SNX29: variants seen among roughly 807,000 people sequenced by gnomAD.
SNX29 encodes the protein sorting nexin 29, also known as sorting nexin-29.
SNX29 carries 78 observed loss-of-function variants against 102.1 expected under a neutral mutation model. The ratio of observed to expected loss-of-function variants is 0.76; its 90% CI spans 0.64 to 0.92. The LOEUF (loss-of-function observed/expected upper bound fraction) is 0.92. SNX29 is among the 40% of genes least tolerant of loss of function. The probability of loss-of-function intolerance (pLI) is 0.00; values close to 1 mark genes in which losing one functional copy is unlikely to be tolerated. For synonymous variants in SNX29, 580 were observed against 414.5 expected (o/e 1.40, Z -4.85); for missense variants, 1,280 against 1,061.7 (o/e 1.21, Z -2.86).
At chr16:12,109,019 T>G (rs930055722) in intron 11 of SNX29, among the ~76,000 whole-genome samples, 1 of 149,234 alleles carries the variant, frequency 6.7e-6, no homozygotes, top group South Asian at 2.1e-4. Context: ...CCCCAGCTAC[T>G]TGGGAGGCTA....
chr16:12,119,007 G>T (rs1400568731), intron 11 of SNX29, among the ~76,000 whole-genome samples: 1 of 152,218 alleles, frequency 6.6e-6, no homozygotes, highest in Non-Finnish European at 1.5e-5. Flanking sequence ...GCTGCTTGGT[G>T]CTCAGAACTC....
chr16:12,551,753 G>A (rs73510227), intron 20 of SNX29, among the ~76,000 whole-genome samples: 1 of 152,206 alleles, frequency 6.6e-6, no homozygotes, highest in Non-Finnish European at 1.5e-5. Context: ...CTTCCTGGCT[G>A]CCTTGTACAC....
At chr16:12,462,018 C>T (rs1445958435) in intron 18 of SNX29, among the ~76,000 whole-genome samples, 859 of 58,632 alleles carry the variant, frequency 0.015, 4 homozygotes, top group South Asian at 0.019. Flanking sequence ...TATATGTATA[C>T]ACACACACAC....
intron 15 of SNX29, among the ~76,000 whole-genome samples, chr16:12,304,189 T>C (rs1484274220): frequency 6.6e-6 from 1 of 152,116 alleles, no homozygotes; most frequent in Non-Finnish European, 1.5e-5. Flanking sequence ...TTGTTTTTTT[T>C]TTTTGCCTTG....
intron 15 of SNX29, among the ~76,000 whole-genome samples, chr16:12,322,190 A>G (rs1401954197): frequency 2.0e-5 from 3 of 152,202 alleles, no homozygotes; most frequent in African/African-American, 2.4e-5. Context: ...GGTAGAACCC[A>G]TAAGGCCAGT....
At chr16:12,283,901 T>C (rs1382477032) in intron 15 of SNX29, among the ~76,000 whole-genome samples, 1 of 152,210 alleles carries the variant, frequency 6.6e-6, no homozygotes, top group Non-Finnish European at 1.5e-5. Flanking sequence ...CCCCACTTCT[T>C]AGGGACTGTT....
chr16:12,308,095 C>G (rs1486431160), intron 15 of SNX29, among the ~76,000 whole-genome samples: 1 of 152,234 alleles, frequency 6.6e-6, no homozygotes, highest in Non-Finnish European at 1.5e-5. Flanking sequence ...TAACAGTAGC[C>G]TACAGCCTGC....
chr16:12,226,195 A>T (rs2077606898), intron 14 of SNX29, among the ~76,000 whole-genome samples: 1 of 152,208 alleles, frequency 6.6e-6, no homozygotes, highest in South Asian at 2.1e-4. Context: ...ATAGGCAGCC[A>T]CTAGAAAGGT....
intron 13 of SNX29, among the ~76,000 whole-genome samples, chr16:12,153,741 GT>G (rs775225528): frequency 4.6e-4 from 70 of 151,932 alleles, no homozygotes; most frequent in African/African-American, 1.3e-3. Flanking sequence ...GCCTCCCAAA[GT>G]GCTGGGATTA....
At chr16:12,440,593 C>A (rs902430670) in intron 18 of SNX29, among the ~76,000 whole-genome samples, 4 of 152,172 alleles carry the variant, frequency 2.6e-5, no homozygotes, top group Non-Finnish European at 4.4e-5. Flanking sequence ...CTCCCTCCTC[C>A]CACCCTCCAC....
At chr16:11,999,269 G>A (rs750879998) in intron 1 of SNX29, 28 bp from the exon 2 acceptor site, 7 of 1,612,642 alleles carry the variant, frequency 4.3e-6, no homozygotes, top group South Asian at 2.2e-5. Context: ...GCGTCAGAGA[G>A]AACTAATTAA....
intron 20 of SNX29, among the ~76,000 whole-genome samples, chr16:12,554,789 T>G (rs2078222002): frequency 6.6e-6 from 1 of 152,184 alleles, no homozygotes; most frequent in South Asian, 2.1e-4. Context: ...AGAATGCAAT[T>G]GTTTATTCTA....
chr16:12,278,518 CT>C (rs1226537902), intron 15 of SNX29, among the ~76,000 whole-genome samples: 4 of 152,168 alleles, frequency 2.6e-5, no homozygotes, highest in Admixed American at 6.5e-5. Flanking sequence ...GTACAAATTA[CT>C]GAAGAACTGC....
intron 20 of SNX29, among the ~76,000 whole-genome samples, chr16:12,542,586 C>T (rs531468697): frequency 2.6e-5 from 4 of 152,216 alleles, no homozygotes; most frequent in Non-Finnish European, 5.9e-5. Context: ...CCCGCCTCAG[C>T]CTCCCAAAGT....
At position 12,568,834 on chromosome 16, in the gene SNX29, G is replaced by GCA; in HGVS notation, c.*207_*208dup. 3.9e-6 allele frequency: 3 copies of GCA among 768,230 alleles called. No individual in the cohort carries two copies. The highest frequency in any genetic ancestry group is 4.0e-6 in the Non-Finnish European group (2 of 496,576). 47.6% of individuals were successfully genotyped at this position (768,230 alleles called of 1,614,324 possible). ...TACCGTGACCCGAGAGACCAAGGCA[G>GCA]CACCTCGCTGGAGAGACTGGGACAC... is the stretch of plus-strand genomic sequence containing the variant. On this transcript the variant is annotated 3_prime_UTR_variant, in exon 21 of 21. Coordinates refer to ENST00000566228, the MANE Select transcript of SNX29 (RefSeq NM_032167.5).
At chr16:12,175,391 G>A (rs1053934915) in intron 13 of SNX29, among the ~76,000 whole-genome samples, 1 of 152,162 alleles carries the variant, frequency 6.6e-6, no homozygotes, top group Non-Finnish European at 1.5e-5. Flanking sequence ...GCCTTTGGGA[G>A]ACCATGGCAG....
At chr16:12,108,753 C>T (rs1417866924) in intron 11 of SNX29, among the ~76,000 whole-genome samples, 3 of 152,168 alleles carry the variant, frequency 2.0e-5, no homozygotes, top group Non-Finnish European at 4.4e-5. Context: ...CCTGAAGCCT[C>T]TGCTCCATCC....
chr16:12,154,447 C>T (rs1472171644), intron 13 of SNX29, among the ~76,000 whole-genome samples: 1 of 152,288 alleles, frequency 6.6e-6, no homozygotes, highest in East Asian at 1.9e-4. Context: ...CTACCTGTCA[C>T]AGCACTGGCT....
intron 18 of SNX29, among the ~76,000 whole-genome samples, chr16:12,457,198 C>A (rs944640962): frequency 6.6e-6 from 1 of 152,196 alleles, no homozygotes; most frequent in Non-Finnish European, 1.5e-5. Flanking sequence ...CAATAAACAC[C>A]GGTCATGCTT....
Sources: allele counts gnomAD v4.1 joint callset (sites outside exome capture counted in the v4.1 genomes callset), GRCh38; gene constraint gnomAD v4.1.1; transcripts MANE v1.5; gene names NCBI Gene and HGNC (gene_info 2026-07-23, HGNC 2026-07-21).